PTPRD: variants seen among roughly 807,000 people sequenced by gnomAD.
PTPRD encodes protein tyrosine phosphatase receptor type D, also known as receptor-type tyrosine-protein phosphatase delta.
In PTPRD, 34 loss-of-function variants were observed where a neutral mutation model predicts 214.5. The observed-to-expected ratio is 0.16, with a 90% CI of 0.12 to 0.21. The LOEUF is 0.21. Among genes scored for constraint, PTPRD ranks in the 10% least tolerant of loss-of-function variants. The probability of loss-of-function intolerance (pLI) is 1.00; values close to 1 mark genes in which losing one functional copy is unlikely to be tolerated. For synonymous variants in PTPRD, 1,128 were observed against 845.7 expected, an observed-to-expected ratio of 1.33 and a Z score of -5.79; for missense variants, 2,545 against 2,398.7, an observed-to-expected ratio of 1.06 and a Z score of -1.27.
At chr9:8,390,331 A>T (rs190963860) in intron 36 of PTPRD, among the ~76,000 whole-genome samples, 292 of 151,774 alleles carry the variant, frequency 1.9e-3, no homozygotes, top group Non-Finnish European at 3.3e-3. Flanking sequence ...TGCCTTTAAA[A>T]CTCTAGACAC....
At chr9:9,910,149 T>C (rs533593104) in intron 5 of PTPRD, among the ~76,000 whole-genome samples, 1 of 152,092 alleles carries the variant, frequency 6.6e-6, no homozygotes, top group South Asian at 2.1e-4. Flanking sequence ...AGTATCTCAG[T>C]TACCAGGATT....
intron 5 of PTPRD, among the ~76,000 whole-genome samples, chr9:9,929,586 G>T (rs561850513): frequency 6.6e-6 from 1 of 152,078 alleles, no homozygotes; most frequent in African/African-American, 2.4e-5. Flanking sequence ...TAGAGACAGG[G>T]TTTCACCATG....
At chr9:9,767,203 A>G (rs544905475) in intron 5 of PTPRD, among the ~76,000 whole-genome samples, 2 of 152,202 alleles carry the variant, frequency 1.3e-5, no homozygotes, top group South Asian at 4.1e-4. Context: ...CAAAAATGCT[A>G]CATGAATTAT....
At chr9:8,778,006 G>A (rs1042834593) in intron 11 of PTPRD, among the ~76,000 whole-genome samples, 3 of 152,118 alleles carry the variant, frequency 2.0e-5, no homozygotes, top group African/African-American at 7.2e-5. Context: ...AAAATACAAT[G>A]TCTAGGATTG....
intron 8 of PTPRD, among the ~76,000 whole-genome samples, chr9:9,432,326 G>T (rs1263551402): frequency 6.6e-6 from 1 of 152,024 alleles, no homozygotes; most frequent in Non-Finnish European, 1.5e-5. Context: ...TTGGCAGACT[G>T]TTGGGCCACT....
rs561678636 is a variant in PTPRD at position 9,750,367 on chromosome 9, T to C, written c.-325-15796A>G. ...AAATAGAGATTAAACATCTAATCTA[T>C]AGCACCATTACAGAGAAATTATAGA... On this transcript the variant is annotated intron_variant, in intron 6 of 45. Transcript: ENST00000381196. Among the ~76,000 whole-genome samples, 35 of 152,294 alleles carry C rather than the reference T, an allele frequency of 2.3e-4. No homozygotes were observed. In the South Asian group the frequency reaches 5.6e-3, roughly 24 times the overall value.
intron 2 of PTPRD, among the ~76,000 whole-genome samples, chr9:10,353,032 T>C (rs757816510): frequency 6.6e-6 from 1 of 152,042 alleles, no homozygotes; most frequent in African/African-American, 2.4e-5. Context: ...AAGGTATATA[T>C]GGTAATTTGC....
intron 4 of PTPRD, among the ~76,000 whole-genome samples, chr9:9,990,198 G>T (rs955928124): frequency 6.6e-6 from 1 of 152,176 alleles, no homozygotes; most frequent in African/African-American, 2.4e-5. Context: ...AGGTCCTGGG[G>T]CAACTGAAGG....
chr9:8,948,467 A>ATATATATATT lies in PTPRD; in HGVS notation c.-104+70229_-104+70230insAATATATATA, dbSNP rs1567182531. ...TATATATATATTTATATATATATTT[A>ATATATATATT]CATATATATATATTTATATATATAT... On this transcript the variant is annotated intron_variant, in intron 11 of 45. Transcript: ENST00000381196. Among the ~76,000 whole-genome samples the ATATATATATT allele has an allele frequency of 2.4e-3, 14 of 5,730 alleles. 1 individual carries two copies. The highest frequency in any genetic ancestry group is 3.2e-3 in the Non-Finnish European group (10 of 3,170). 3.8% of individuals were successfully genotyped at this position (5,730 alleles called of 152,430 possible).
At position 8,948,509 on chromosome 9, in the gene PTPRD, ATATATATATT is replaced by A. The variant is rs1330668759; in HGVS notation, c.-104+70178_-104+70187del. Among the ~76,000 whole-genome samples the A allele has an allele frequency of 1.3e-3, 25 of 18,904 alleles. 5 individuals carry two copies. Among genetic ancestry groups the A allele is most frequent in the Non-Finnish European group, 3.4e-3 (24 of 7,098 alleles). 12.4% of individuals were successfully genotyped at this position (18,904 alleles called of 152,430 possible). ...TATATATATTTATATATATATTTAT[ATATATATATT>A]TATATATATATTTATATATATATTT... On this transcript the variant is annotated intron_variant, in intron 11 of 45. Coordinates refer to ENST00000381196, the MANE Select transcript of PTPRD (RefSeq NM_002839.4).
chr9:9,918,956 A>C (rs375082569), intron 5 of PTPRD, among the ~76,000 whole-genome samples: 13 of 152,118 alleles, frequency 8.5e-5, no homozygotes, highest in African/African-American at 2.9e-4. Flanking sequence ...ATATAGTTAC[A>C]GATCAATGAA....
At chr9:10,081,923 T>G (rs1436005440) in intron 3 of PTPRD, among the ~76,000 whole-genome samples, 2 of 152,074 alleles carry the variant, frequency 1.3e-5, no homozygotes, top group African/African-American at 4.8e-5. Context: ...AATACAGTCA[T>G]AACCAGTGTT....
At chr9:10,459,747 G>T (rs2098944888) in intron 2 of PTPRD, among the ~76,000 whole-genome samples, 1 of 151,052 alleles carries the variant, frequency 6.6e-6, no homozygotes, top group African/African-American at 2.4e-5. Context: ...CTTTTTGATG[G>T]GATTGTTTTT....
chr9:10,564,959 T>C (rs929993720), intron 2 of PTPRD, among the ~76,000 whole-genome samples: 1 of 152,170 alleles, frequency 6.6e-6, no homozygotes, highest in Non-Finnish European at 1.5e-5. Context: ...TATTAGGGCA[T>C]GAAGTCCAAC....
intron 43 of PTPRD, among the ~76,000 whole-genome samples, chr9:8,337,677 A>C (rs1588034150): frequency 1.3e-5 from 2 of 151,412 alleles, no homozygotes; most frequent in East Asian, 1.9e-4. Context: ...AAAAAAGGTG[A>C]GCAACTTCCG....
intron 11 of PTPRD, among the ~76,000 whole-genome samples, chr9:8,840,348 T>C (rs1247090900): frequency 2.6e-5 from 4 of 151,958 alleles, no homozygotes; most frequent in Non-Finnish European, 5.9e-5. Context: ...AAAAGAAGAG[T>C]TCCCCTGCAC....
intron 2 of PTPRD, among the ~76,000 whole-genome samples, chr9:10,521,887 G>A (rs2052436986): frequency 6.6e-6 from 1 of 152,056 alleles, no homozygotes. Flanking sequence ...ATGAAATGGG[G>A]AACCAAAAAA....
intron 14 of PTPRD, among the ~76,000 whole-genome samples, chr9:8,618,707 C>A (rs145240525): frequency 1.5e-3 from 220 of 151,578 alleles, no homozygotes; most frequent in African/African-American, 5.0e-3. Flanking sequence ...CTTATTTATT[C>A]TTGTTTTTAG....
intron 7 of PTPRD, among the ~76,000 whole-genome samples, chr9:9,609,316 A>G (rs1177137998): frequency 6.6e-6 from 1 of 152,186 alleles, no homozygotes; most frequent in South Asian, 2.1e-4. Flanking sequence ...GTTTCTATAT[A>G]CATACCTAGA....
Sources: gnomAD v4.1 joint callset for allele counts (sites outside exome capture counted in the v4.1 genomes callset) on GRCh38, gnomAD v4.1.1 for gene constraint, MANE v1.5 for transcripts, NCBI Gene and HGNC (gene_info 2026-07-23, HGNC 2026-07-21) for gene names.